Variants in CNNM2 observed in about 807,000 individuals in gnomAD.
CNNM2 encodes metal transporter CNNM2.
CNNM2 carries 12 observed loss-of-function variants against 66.9 expected under a neutral mutation model. The ratio of observed to expected loss-of-function variants is 0.18; its 90% CI spans 0.11 to 0.29. The LOEUF (loss-of-function observed/expected upper bound fraction) is 0.29. Ranked by LOEUF, CNNM2 falls within the 10% of genes least tolerant of loss-of-function variation. The pLI is 1.00. For missense variants in CNNM2, 705 were observed against 1,167.7 expected (o/e 0.60, Z 5.77); for synonymous variants, 557 against 501.8 (o/e 1.11, Z -1.47).
At chr10:102,944,714 G>A (rs1846549333) in intron 1 of CNNM2, among the ~76,000 whole-genome samples, 1 of 151,580 alleles carries the variant, frequency 6.6e-6, no homozygotes, top group Admixed American at 6.6e-5. Context: ...TCTTAAGTAT[G>A]TTCTCCCAAA....
intron 4 of CNNM2, among the ~76,000 whole-genome samples, chr10:103,058,844 G>A (rs974953850): frequency 3.3e-5 from 5 of 152,220 alleles, no homozygotes; most frequent in Non-Finnish European, 7.3e-5. Context: ...CACAGCCTCA[G>A]TCAATCTGGC....
chr10:103,065,718 A>C (rs988797659), intron 4 of CNNM2, among the ~76,000 whole-genome samples: 1 of 152,230 alleles, frequency 6.6e-6, no homozygotes, highest in Non-Finnish European at 1.5e-5. Flanking sequence ...ATGGAGGGTC[A>C]GGCTCAGAGC....
At chr10:103,063,215 A>G (rs1377533984) in intron 4 of CNNM2, among the ~76,000 whole-genome samples, 2 of 152,192 alleles carry the variant, frequency 1.3e-5, no homozygotes, top group African/African-American at 4.8e-5. Flanking sequence ...CAGACTCCAG[A>G]TTGAAAGCAT....
intron 1 of CNNM2, among the ~76,000 whole-genome samples, chr10:103,048,560 G>T (rs2065166317): frequency 7.0e-6 from 1 of 142,358 alleles, no homozygotes; most frequent in Admixed American, 6.9e-5. Context: ...ATCATTGGCA[G>T]TCCACACTGC....
intron 1 of CNNM2, among the ~76,000 whole-genome samples, chr10:102,980,234 C>T (rs969272612): frequency 2.6e-5 from 4 of 152,112 alleles, no homozygotes; most frequent in Admixed American, 2.0e-4. Context: ...TGAGCCACTG[C>T]GTCCAGCCTC....
chr10:102,947,423 T>C (rs1445665996), intron 1 of CNNM2, among the ~76,000 whole-genome samples: 1 of 149,464 alleles, frequency 6.7e-6, no homozygotes, highest in Non-Finnish European at 1.5e-5. Flanking sequence ...TAAAAATATT[T>C]GGAAATACTT....
intron 1 of CNNM2, among the ~76,000 whole-genome samples, chr10:102,969,833 G>A (rs776175065): frequency 9.9e-5 from 15 of 151,758 alleles, no homozygotes; most frequent in Non-Finnish European, 1.9e-4. Context: ...AGTGGAGACG[G>A]GGTTTCTCCA....
At chr10:103,068,978 A>G (rs916716417) in intron 5 of CNNM2, among the ~76,000 whole-genome samples, 3 of 152,224 alleles carry the variant, frequency 2.0e-5, no homozygotes, top group East Asian at 3.8e-4. Context: ...CAGAACTCCC[A>G]TCACGCTCCC....
intron 1 of CNNM2, among the ~76,000 whole-genome samples, chr10:102,964,396 T>C (rs1278995826): frequency 6.6e-6 from 1 of 152,046 alleles, no homozygotes; most frequent in Non-Finnish European, 1.5e-5. Context: ...ATCTAGCTTA[T>C]TTTTGTATTT....
At chr10:102,970,720 T>C (rs2063534426) in intron 1 of CNNM2, among the ~76,000 whole-genome samples, 1 of 152,190 alleles carries the variant, frequency 6.6e-6, no homozygotes, top group Non-Finnish European at 1.5e-5. Flanking sequence ...GTTTCCTCCC[T>C]GGGCCAGTTC....
In CNNM2 at chr10:103,020,027, T is replaced by G. The variant is rs530117191; in HGVS notation, c.1622-29680T>G. On this transcript the variant is annotated intron_variant, in intron 1 of 7. Coordinates refer to ENST00000369878, the MANE Select transcript of CNNM2 (RefSeq NM_017649.5). ...ATTCTCTACAACGAACATGTGTTACTCGTGTGGTTTTTTTCTTAAGTTATT... is the reference window on the plus strand; with the variant it reads ...ATTCTCTACAACGAACATGTGTTACGCGTGTGGTTTTTTTCTTAAGTTATT... Among the ~76,000 whole-genome samples the G allele has an allele frequency of 2.6e-5, 4 of 152,338 alleles. No individual in the cohort carries two copies. The South Asian group carries it at 8.3e-4, about 32-fold the overall frequency.
chr10:102,918,480 T>C lies in CNNM2; in HGVS notation c.-1T>C, dbSNP rs768606756. 23 of 1,605,644 alleles carry C rather than the reference T, an allele frequency of 1.4e-5. No individual in the cohort carries two copies. Among genetic ancestry groups the C allele is most frequent in the Non-Finnish European group, 2.0e-5 (23 of 1,177,902 alleles). On this transcript the variant is annotated 5_prime_UTR_variant, in exon 1 of 8. Transcript: ENST00000369878. The surrounding 1 kb of genome is among the most constrained non-coding windows in gnomAD (Gnocchi z 4.1). ...GAAGCCGCAGCTGGAGCAGCCACCCTATGATTGGCTGTGGCGCTTGTGAAC... is the reference window on the plus strand; with the variant it reads ...GAAGCCGCAGCTGGAGCAGCCACCCCATGATTGGCTGTGGCGCTTGTGAAC...
intron 1 of CNNM2, among the ~76,000 whole-genome samples, chr10:102,974,383 C>A (rs2063592362): frequency 1.3e-5 from 2 of 152,082 alleles, no homozygotes; most frequent in Admixed American, 1.3e-4. Flanking sequence ...CCTATTTTGA[C>A]CATAAAGCTA....
intron 1 of CNNM2, among the ~76,000 whole-genome samples, chr10:103,018,606 G>C (rs1005678375): frequency 6.6e-6 from 1 of 151,642 alleles, no homozygotes; most frequent in Non-Finnish European, 1.5e-5. Flanking sequence ...TGAGAAGCTA[G>C]TACAGAGGAT....
intron 4 of CNNM2, among the ~76,000 whole-genome samples, chr10:103,065,860 C>A (rs2065468264): frequency 6.6e-6 from 1 of 152,190 alleles, no homozygotes; most frequent in South Asian, 2.1e-4. Flanking sequence ...GTGTGTGTTG[C>A]TATCTCTGAA....
chr10:102,933,107 T>C (rs1256339301), intron 1 of CNNM2, among the ~76,000 whole-genome samples: 1 of 152,172 alleles, frequency 6.6e-6, no homozygotes, highest in Non-Finnish European at 1.5e-5. Context: ...TTGTTTTGGC[T>C]GTCAGGATTC....
chr10:102,927,501 T>A, intron 1 of CNNM2: 1 of 1,561,032 alleles, frequency 6.4e-7, no homozygotes, highest in South Asian at 1.2e-5. Context: ...GGCTCATGCC[T>A]GTAATCCCGG....
rs185963107 is a variant in CNNM2, at chr10:103,058,782, G to T, written c.2073+1818G>T. Among the ~76,000 whole-genome samples, 16 of 152,292 alleles carry T rather than the reference G, an allele frequency of 1.1e-4. No individual in the cohort carries two copies. The East Asian group carries it at 3.1e-3, about 29-fold the overall frequency. ...ATGTTTGGTGAAAAACCATGATCTTGCAGACAGCCAGTTACCTAAGGTACA... is the reference window on the plus strand; with the variant it reads ...ATGTTTGGTGAAAAACCATGATCTTTCAGACAGCCAGTTACCTAAGGTACA... On this transcript the variant is annotated intron_variant, in intron 4 of 7. Coordinates refer to ENST00000369878, the MANE Select transcript of CNNM2 (RefSeq NM_017649.5).
intron 1 of CNNM2, among the ~76,000 whole-genome samples, chr10:102,951,258 G>A (rs1162646545): frequency 2.0e-5 from 3 of 151,810 alleles, no homozygotes; most frequent in Non-Finnish European, 4.4e-5. Flanking sequence ...GTGTAGTGGC[G>A]CAGTCTTGGC....
Sources: allele counts gnomAD v4.1 joint callset (sites outside exome capture counted in the v4.1 genomes callset), GRCh38; gene constraint gnomAD v4.1.1; non-coding constraint Gnocchi (gnomAD v3.1); transcripts MANE v1.5; gene names NCBI Gene and HGNC (gene_info 2026-07-23, HGNC 2026-07-21).